The following GPR21 variants were observed in gnomAD, a reference collection of about 807,000 sequenced individuals.
GPR21 encodes the protein probable G protein-coupled receptor 21.
GPR21 carries 9 observed loss-of-function variants against 21.5 expected under a neutral mutation model. That is an observed-to-expected ratio of 0.42 (90% CI 0.25 to 0.73). The LOEUF is 0.73. Ranked by LOEUF, GPR21 falls within the 30% of genes least tolerant of loss-of-function variation. The probability of loss-of-function intolerance (pLI) is 0.27; values close to 1 mark genes in which losing one functional copy is unlikely to be tolerated. For missense variants in GPR21, 416 were observed against 428.9 expected, an observed-to-expected ratio of 0.97 and a Z score of 0.27; for synonymous variants, 169 against 159.3, an observed-to-expected ratio of 1.06 and a Z score of -0.46.
chr9:123,046,122 T>G, the GPR21 span, among the ~76,000 whole-genome samples: 1 of 152,192 alleles, frequency 6.6e-6, no homozygotes, highest in African/African-American at 2.4e-5. Flanking sequence ...TTTTATGTAT[T>G]TTGTCCTGCT....
At chr9:123,045,981 G>A in the GPR21 span, among the ~76,000 whole-genome samples, 1 of 152,204 alleles carries the variant, frequency 6.6e-6, no homozygotes, top group African/African-American at 2.4e-5. Context: ...TCCAGGTCCT[G>A]CAAATTGGCA....
Position 123,035,122 on chromosome 9 carries a change from C to T in GPR21, c.556C>T (p.His186Tyr), listed in dbSNP as rs955445112. 6.2e-7 allele frequency: 1 copy of T among 1,613,768 alleles called. No individual in the cohort carries two copies. Among genetic ancestry groups the T allele is most frequent in the Non-Finnish European group, 8.5e-7 (1 of 1,179,734 alleles). The change falls in exon 2 of 2, where the codon CAC (histidine) becomes TAC (tyrosine). Residue 186 changes from histidine to tyrosine, a missense_variant. Physicochemically the swap from His to Tyr is moderately conservative, Grantham distance 83 (BLOSUM62 2). Coordinates refer to ENST00000616002, the MANE Select transcript of GPR21 (RefSeq NM_005294.3). Reference sequence around the variant, plus strand: ...GTTTCAGTGGTGTGCGGAGTCCTGGCACACCGACTCCTACTTCACCCTGTT... The same window carrying T: ...GTTTCAGTGGTGTGCGGAGTCCTGGTACACCGACTCCTACTTCACCCTGTT... ...DVFQWCAESW[H>Y]TDSYFTLFIV...
At chr9:123,039,216 TGAGAA>T (rs929443881), downstream of GPR21, among the ~76,000 whole-genome samples, 12 of 152,162 alleles carry the variant, frequency 7.9e-5, no homozygotes, top group African/African-American at 2.7e-4. Flanking sequence ...ATCCCAGACT[TGAGAA>T]GAGAAGCAAA....
chr9:123,035,196 C>G lies in GPR21; in HGVS notation c.630C>G (p.Thr210=), dbSNP rs751349991. 2.5e-6 allele frequency: 4 copies of G among 1,614,154 alleles called. No homozygotes were observed. The highest frequency in any genetic ancestry group is 3.3e-4 in the Middle Eastern group (2 of 6,062). Residue 210 remains threonine (T), a synonymous_variant, in exon 2 of 2, where the codon ACC becomes ACG. Transcript: ENST00000616002. ...YAPAALIVCF[T]YFNIFRICQQ... ...CAGCAGCCCTTATTGTCTGCTTCAC[C>G]TATTTCAACATCTTCCGCATCTGCC... is the stretch of plus-strand genomic sequence containing the variant.
chr9:123,035,541 T>C lies in GPR21; in HGVS notation c.975T>C (p.Ser325=). 6 of 1,614,024 alleles carry C rather than the reference T, an allele frequency of 3.7e-6. No individual in the cohort carries two copies. The highest frequency in any genetic ancestry group is 5.1e-6 in the Non-Finnish European group (6 of 1,179,964). Residue 325 remains serine, a synonymous_variant, in exon 2 of 2, where the codon TCT becomes TCC. Coordinates refer to ENST00000616002, the MANE Select transcript of GPR21 (RefSeq NM_005294.3). The part of the protein sequence containing the change: ...LKRLSGAMCT[S]CASQTTANDP... ...GCCTCTCAGGGGCTATGTGTACTTC[T>C]TGTGCAAGTCAGACTACAGCCAACG...
downstream of GPR21, among the ~76,000 whole-genome samples, chr9:123,037,496 A>T (rs1252375186): frequency 6.6e-6 from 1 of 152,182 alleles, no homozygotes; most frequent in African/African-American, 2.4e-5. Context: ...TTCAAATGGG[A>T]AACCTTTTCT....
At chr9:123,048,883 A>T in the GPR21 span, among the ~76,000 whole-genome samples, 1 of 152,196 alleles carries the variant, frequency 6.6e-6, no homozygotes, top group African/African-American at 2.4e-5. Flanking sequence ...GTTAGCATTT[A>T]TGTCTTATTT....
chr9:123,047,480 A>G, the GPR21 span, among the ~76,000 whole-genome samples: 6 of 152,170 alleles, frequency 3.9e-5, no homozygotes, highest in Non-Finnish European at 8.8e-5. Flanking sequence ...ATACTAATAT[A>G]CTTTGCTTGG....
At chr9:123,036,791 C>A (rs966134945), downstream of GPR21, among the ~76,000 whole-genome samples, 6 of 151,554 alleles carry the variant, frequency 4.0e-5, no homozygotes, top group Non-Finnish European at 8.8e-5. Flanking sequence ...GAAAAAAAAT[C>A]CTTTGGCATA....
chr9:123,044,443 G>A, the GPR21 span, among the ~76,000 whole-genome samples: 2 of 152,144 alleles, frequency 1.3e-5, no homozygotes, highest in Non-Finnish European at 2.9e-5. Flanking sequence ...CCAATTATGG[G>A]AATGGAGTTT....
chr9:123,044,258 T>C, the GPR21 span, among the ~76,000 whole-genome samples: 1 of 152,168 alleles, frequency 6.6e-6, no homozygotes. Context: ...GAGATGTATT[T>C]TAACAGAAGT....
At chr9:123,046,165 A>G in the GPR21 span, among the ~76,000 whole-genome samples, 3 of 152,186 alleles carry the variant, frequency 2.0e-5, no homozygotes, top group Admixed American at 2.0e-4. Context: ...GGTTAGTCCT[A>G]TACAAATCTC....
chr9:123,046,720 T>C, the GPR21 span, among the ~76,000 whole-genome samples: 1 of 152,322 alleles, frequency 6.6e-6, no homozygotes, highest in African/African-American at 2.4e-5. Flanking sequence ...AGCAGAAGTT[T>C]TAAGTTGAGA....
At chr9:123,042,079 G>A in the GPR21 span, among the ~76,000 whole-genome samples, 1 of 152,190 alleles carries the variant, frequency 6.6e-6, no homozygotes, top group African/African-American at 2.4e-5. Context: ...AACTAAAGGT[G>A]TGCTTTGTTG....
downstream of GPR21, among the ~76,000 whole-genome samples, chr9:123,039,450 G>T (rs772000787): frequency 4.6e-5 from 7 of 152,150 alleles, no homozygotes; most frequent in Non-Finnish European, 1.0e-4. Flanking sequence ...TGTAATTATT[G>T]CATGTAGTCA....
chr9:123,042,462 A>T, the GPR21 span, among the ~76,000 whole-genome samples: 1 of 152,258 alleles, frequency 6.6e-6, no homozygotes, highest in East Asian at 1.9e-4. Flanking sequence ...AACAACCAAA[A>T]AACCCAACTG....
At chr9:123,035,777 T>C, downstream of GPR21, 1 of 530,186 alleles carries the variant, frequency 1.9e-6, no homozygotes, top group Non-Finnish European at 3.3e-6. Flanking sequence ...TATGGATACC[T>C]TCTAAGTTTG....
the GPR21 span, among the ~76,000 whole-genome samples, chr9:123,044,888 T>C: frequency 1.3e-5 from 2 of 152,184 alleles, no homozygotes; most frequent in Non-Finnish European, 1.5e-5. Context: ...TGAGATTTCG[T>C]AAAGTATCCA....
the GPR21 span, among the ~76,000 whole-genome samples, chr9:123,040,984 T>C: frequency 6.6e-6 from 1 of 152,254 alleles, no homozygotes; most frequent in South Asian, 2.1e-4. Context: ...CCTAATCCGT[T>C]GCTCTTTTGT....
Sources: gnomAD v4.1 joint callset for allele counts (sites outside exome capture counted in the v4.1 genomes callset) on GRCh38, gnomAD v4.1.1 for gene constraint, MANE v1.5 for transcripts, NCBI Gene and HGNC (gene_info 2026-07-23, HGNC 2026-07-21) for gene names.